HS2ST1: variants seen among roughly 807,000 people sequenced by gnomAD.
HS2ST1 encodes 2-O-sulfotransferase.
In HS2ST1, 18 loss-of-function variants were observed where a neutral mutation model predicts 42.9. The ratio of observed to expected loss-of-function variants is 0.42; its 90% CI spans 0.29 to 0.62. The LOEUF (loss-of-function observed/expected upper bound fraction) is 0.62, where lower values mean the gene tolerates loss of function less well. HS2ST1 is among the 20% of genes least tolerant of loss of function. The probability of loss-of-function intolerance (pLI) is 0.21; values close to 1 mark genes in which losing one functional copy is unlikely to be tolerated. For missense variants in HS2ST1, 334 were observed against 433.8 expected, an observed-to-expected ratio of 0.77 and a Z score of 2.04; for synonymous variants, 146 against 152.9, an observed-to-expected ratio of 0.95 and a Z score of 0.33.
Position 87,097,955 on chromosome 1 carries a change from C to G in HS2ST1, c.686+20C>G, listed in dbSNP as rs959230118. The G allele has an allele frequency of 2.5e-6, 4 of 1,613,556 alleles. No individual in the cohort carries two copies. Among genetic ancestry groups the G allele is most frequent in the Admixed American group, 1.7e-5 (1 of 59,978 alleles). ...ATGCTGGTAGGGGAGATAAAGTTGG[C>G]TCAGATTGATTATCATCCTTATTAT... On this transcript the variant is annotated intron_variant, in intron 5 of 6. Transcript: ENST00000370550.
At chr1:87,078,250 A>G (rs1313059336) in intron 2 of HS2ST1, among the ~76,000 whole-genome samples, 2 of 152,242 alleles carry the variant, frequency 1.3e-5, no homozygotes, top group African/African-American at 4.8e-5. Context: ...AGGTTGATCT[A>G]TTAAGAATAT....
At position 87,067,034 on chromosome 1, in the gene HS2ST1, G is replaced by A. The variant is rs549054885; in HGVS notation, c.125-5900G>A. On this transcript the variant is annotated intron_variant, in intron 1 of 6. Coordinates refer to ENST00000370550, the MANE Select transcript of HS2ST1 (RefSeq NM_012262.4). The stretch of plus-strand genomic sequence containing the variant: ...TAAACAGTGCCACAGTAAAACATAC[G>A]TGTGCATGTGTCTTTATAGTAGAAT... Among the ~76,000 whole-genome samples the A allele has an allele frequency of 5.9e-5, 9 of 152,198 alleles. No homozygotes were observed. The South Asian group carries it at 1.0e-3, about 18-fold the overall frequency.
intron 1 of HS2ST1, among the ~76,000 whole-genome samples, chr1:86,915,813 A>G (rs1052637559): frequency 6.6e-6 from 1 of 152,188 alleles, no homozygotes; most frequent in Non-Finnish European, 1.5e-5. Flanking sequence ...CGGAGATTTA[A>G]ATTCTTCTTT....
intron 1 of HS2ST1, among the ~76,000 whole-genome samples, chr1:86,941,707 G>A (rs998694935): frequency 1.4e-4 from 22 of 151,878 alleles, no homozygotes; most frequent in Non-Finnish European, 2.9e-4. Context: ...CCCGGGAGAC[G>A]GAGGTTGCAG....
At chr1:87,048,728 A>G (rs759590230) in intron 1 of HS2ST1, among the ~76,000 whole-genome samples, 5 of 152,096 alleles carry the variant, frequency 3.3e-5, no homozygotes, top group African/African-American at 4.8e-5. Flanking sequence ...GTTTATGTGC[A>G]TGTATTAAGA....
intron 1 of HS2ST1, among the ~76,000 whole-genome samples, chr1:87,069,280 A>G (rs765322765): frequency 9.8e-5 from 15 of 152,362 alleles, no homozygotes; most frequent in Admixed American, 2.0e-4. Context: ...AAAGATGAAG[A>G]AAACATTACG....
intron 1 of HS2ST1, among the ~76,000 whole-genome samples, chr1:86,939,750 A>G (rs1660725741): frequency 6.6e-6 from 1 of 152,220 alleles, no homozygotes; most frequent in Non-Finnish European, 1.5e-5. Flanking sequence ...TCATATAGTC[A>G]TAAGATTAAT....
intron 1 of HS2ST1, among the ~76,000 whole-genome samples, chr1:86,920,390 G>A (rs1243603809): frequency 6.6e-6 from 1 of 152,172 alleles, no homozygotes; most frequent in Non-Finnish European, 1.5e-5. Context: ...AGATGTTCCA[G>A]AGAATGCTAG....
chr1:87,029,716 G>A (rs946862296), intron 1 of HS2ST1, among the ~76,000 whole-genome samples: 9 of 152,032 alleles, frequency 5.9e-5, no homozygotes, highest in African/African-American at 1.9e-4. Context: ...TTTCATACAA[G>A]AACAAAAAGA....
At chr1:86,984,658 G>T (rs1648703209) in intron 1 of HS2ST1, among the ~76,000 whole-genome samples, 1 of 152,008 alleles carries the variant, frequency 6.6e-6, no homozygotes, top group African/African-American at 2.4e-5. Flanking sequence ...GCCAGAGGTG[G>T]GCAGATCACC....
At chr1:86,967,715 T>C (rs759358420) in intron 1 of HS2ST1, among the ~76,000 whole-genome samples, 1 of 152,232 alleles carries the variant, frequency 6.6e-6, no homozygotes, top group African/African-American at 2.4e-5. Flanking sequence ...GGCACTTAGG[T>C]TGGTTCCATA....
intron 2 of HS2ST1, among the ~76,000 whole-genome samples, chr1:87,074,651 G>C (rs1020335227): frequency 1.3e-5 from 2 of 151,934 alleles, no homozygotes; most frequent in African/African-American, 4.8e-5. Flanking sequence ...ATGAGATAAA[G>C]CTTCTGTTTT....
In HS2ST1 at chr1:86,980,358, ATATATTGCAAGATTGTATTTATACCAAC is replaced by A. The variant is rs1321343504; in HGVS notation, c.124+65203_124+65230del. Among the ~76,000 whole-genome samples, 4 of 152,332 alleles carry A rather than the reference ATATATTGCAAGATTGTATTTATACCAAC, an allele frequency of 2.6e-5. No individual in the cohort carries two copies. In the East Asian group the frequency reaches 7.7e-4, roughly 29 times the overall value. ...AAAATAGTAATATTAAATAAAGAATATATATTGCAAGATTGTATTTATACCAACTATAACCTCATTTTTAAAAATGCTT... is the reference window on the plus strand; with the variant it reads ...AAAATAGTAATATTAAATAAAGAATATATAACCTCATTTTTAAAAATGCTT... On this transcript the variant is annotated intron_variant, in intron 1 of 6. Transcript: ENST00000370550.
intron 1 of HS2ST1, among the ~76,000 whole-genome samples, chr1:86,997,538 C>G (rs1345794010): frequency 6.6e-6 from 1 of 152,100 alleles, no homozygotes; most frequent in African/African-American, 2.4e-5. Flanking sequence ...CAGTAATAGG[C>G]TAAGTTCTGT....
chr1:86,942,216 C>A (rs2102176748), intron 1 of HS2ST1, among the ~76,000 whole-genome samples: 1 of 152,272 alleles, frequency 6.6e-6, no homozygotes, highest in South Asian at 2.1e-4. Flanking sequence ...ATTGGATGAA[C>A]AGAATTCAGT....
chr1:87,010,295 ATT>A (rs564173347), intron 1 of HS2ST1, among the ~76,000 whole-genome samples: 1 of 145,342 alleles, frequency 6.9e-6, no homozygotes, highest in Admixed American at 6.9e-5. Context: ...GAGAAGCACA[ATT>A]TTTTTTTTTT....
chr1:87,042,828 A>G (rs1650555728), intron 1 of HS2ST1, among the ~76,000 whole-genome samples: 1 of 152,138 alleles, frequency 6.6e-6, no homozygotes, highest in African/African-American at 2.4e-5. Flanking sequence ...ATGTTAACTG[A>G]AATACTTTGT....
At chr1:86,935,744 G>C (rs983360992) in intron 1 of HS2ST1, among the ~76,000 whole-genome samples, 1 of 152,050 alleles carries the variant, frequency 6.6e-6, no homozygotes, top group African/African-American at 2.4e-5. Context: ...AATTACAGGC[G>C]TGAGCCACCA....
At chr1:87,055,119 C>G (rs1035698787) in intron 1 of HS2ST1, among the ~76,000 whole-genome samples, 2 of 152,134 alleles carry the variant, frequency 1.3e-5, no homozygotes, top group African/African-American at 4.8e-5. Context: ...TGTGCCCTCC[C>G]CATCCTATTC....
Sources: gnomAD v4.1 joint callset for allele counts (sites outside exome capture counted in the v4.1 genomes callset) on GRCh38, gnomAD v4.1.1 for gene constraint, MANE v1.5 for transcripts, NCBI Gene and HGNC (gene_info 2026-07-23, HGNC 2026-07-21) for gene names.